Variants in TNIK observed in about 807,000 individuals in gnomAD.
TNIK encodes TRAF2 and NCK-interacting protein kinase.
Under a neutral mutation model 191.3 loss-of-function variants are expected in TNIK, and 49 were observed. The ratio of observed to expected loss-of-function variants is 0.26; its 90% confidence interval spans 0.20 to 0.32. The LOEUF is 0.32. Among genes scored for constraint, TNIK ranks in the 10% least tolerant of loss-of-function variants. TNIK has a pLI of 1.00. For synonymous variants in TNIK, 594 were observed against 600.9 expected (o/e 0.99, Z 0.17); for missense variants, 1,155 against 1,702.3 (o/e 0.68, Z 5.66).
intron 31 of TNIK, 93 bp downstream of exon 31, chr3:171,066,483 T>G (rs1055705671): frequency 2.6e-6 from 4 of 1,523,530 alleles, no homozygotes; most frequent in Non-Finnish European, 3.5e-6. Context: ...TTTTTTTTTT[T>G]TTTGTGGAAT....
chr3:171,393,021 G>A (rs997325424), intron 1 of TNIK, among the ~76,000 whole-genome samples: 1 of 151,918 alleles, frequency 6.6e-6, no homozygotes, highest in Non-Finnish European at 1.5e-5. Context: ...GCATTTCTAG[G>A]AACCACTGTA....
At chr3:171,333,103 C>G (rs146690590) in intron 2 of TNIK, among the ~76,000 whole-genome samples, 1 of 152,004 alleles carries the variant, frequency 6.6e-6, no homozygotes, top group Middle Eastern at 3.2e-3. Context: ...TGATGGCCTT[C>G]GAACTATATT....
chr3:171,431,283 C>A (rs1725355984), intron 1 of TNIK, among the ~76,000 whole-genome samples: 1 of 152,084 alleles, frequency 6.6e-6, no homozygotes, highest in African/African-American at 2.4e-5. Context: ...CTATTGCAAA[C>A]AGAATACAGT....
At position 171,128,856 on chromosome 3, in the gene TNIK, T is replaced by C; in HGVS notation, c.1631A>G (p.Asn544Ser). The change falls in exon 16 of 33, where the codon AAC becomes AGC. Residue 544 changes from asparagine to serine, a missense_variant. By Grantham distance (46) the Asn-to-Ser change is conservative. This residue lies in a region of TNIK where 735 missense variants were observed against 848.0 expected (regional missense o/e 0.87). Transcript: ENST00000436636. ...AGGCATGGCAGGGGAACTTTGCCGG[T>C]TGAGCCTTGACCGTTCTTCTACCTA... is the stretch of plus-strand genomic sequence containing the variant. ...AKEVEERSRL[N>S]RQSSPAMPHK... The C allele has an allele frequency of 1.3e-6, 2 of 1,555,724 alleles. No homozygotes were observed. Among genetic ancestry groups the C allele is most frequent in the Non-Finnish European group, 1.7e-6 (2 of 1,153,072 alleles).
chr3:171,284,752 A>G (rs1449157882), intron 2 of TNIK, among the ~76,000 whole-genome samples: 1 of 152,230 alleles, frequency 6.6e-6, no homozygotes, highest in Non-Finnish European at 1.5e-5. Context: ...TAGCACCTAG[A>G]GCAATACAAA....
intron 2 of TNIK, among the ~76,000 whole-genome samples, chr3:171,293,072 A>G (rs777130602): frequency 2.0e-5 from 3 of 152,142 alleles, no homozygotes; most frequent in Non-Finnish European, 4.4e-5. Flanking sequence ...TTCACTTTCA[A>G]AAACCTTCAA....
chr3:171,119,437 C>T (rs1049632129), intron 18 of TNIK, among the ~76,000 whole-genome samples: 1 of 152,202 alleles, frequency 6.6e-6, no homozygotes, highest in African/African-American at 2.4e-5. Context: ...CATCCCATTA[C>T]TGGGTATATA....
chr3:171,232,985 G>C (rs1352593498), intron 2 of TNIK, among the ~76,000 whole-genome samples: 1 of 152,198 alleles, frequency 6.6e-6, no homozygotes, highest in Admixed American at 6.5e-5. Context: ...GAGGGTTTTT[G>C]AGCTGCTAGC....
At chr3:171,287,519 T>G (rs1343682845) in intron 2 of TNIK, among the ~76,000 whole-genome samples, 1 of 152,222 alleles carries the variant, frequency 6.6e-6, no homozygotes, top group Non-Finnish European at 1.5e-5. Context: ...AGTAATGGCA[T>G]GGAAGTCTCC....
chr3:171,160,530 G>A (rs1733856193), intron 11 of TNIK, among the ~76,000 whole-genome samples: 1 of 151,694 alleles, frequency 6.6e-6, no homozygotes, highest in African/African-American at 2.4e-5. Context: ...CATGTATACT[G>A]CATGGCACCA....
intron 30 of TNIK, among the ~76,000 whole-genome samples, chr3:171,067,262 C>T (rs1208703040): frequency 6.6e-6 from 1 of 151,786 alleles, no homozygotes; most frequent in Non-Finnish European, 1.5e-5. Context: ...AAATGAACTA[C>T]CAAAATAATC....
At chr3:171,304,269 G>A (rs1162669949) in intron 2 of TNIK, among the ~76,000 whole-genome samples, 1 of 151,964 alleles carries the variant, frequency 6.6e-6, no homozygotes, top group Non-Finnish European at 1.5e-5. Context: ...GGGAAAATGG[G>A]GCCATTCCAT....
intron 15 of TNIK, 105 bp from the exon 16 acceptor site, chr3:171,128,983 C>G: frequency 7.1e-7 from 1 of 1,413,394 alleles, no homozygotes; most frequent in Non-Finnish European, 9.3e-7. Context: ...CATTTGAATC[C>G]TCTGATCAAC....
intron 2 of TNIK, among the ~76,000 whole-genome samples, chr3:171,291,502 TAC>T (rs1751682933): frequency 6.6e-6 from 1 of 152,220 alleles, no homozygotes; most frequent in African/African-American, 2.4e-5. Flanking sequence ...TTTCATTGGA[TAC>T]AGATTTCTTG....
At chr3:171,228,021 A>G (rs1476933184) in intron 3 of TNIK, 144 bp downstream of exon 3, 10 of 902,630 alleles carry the variant, frequency 1.1e-5, no homozygotes, top group Non-Finnish European at 1.7e-5. Context: ...AGGCTAAGCT[A>G]TGATGTTCAA....
At chr3:171,250,188 G>A (rs1639971108) in intron 2 of TNIK, among the ~76,000 whole-genome samples, 1 of 152,176 alleles carries the variant, frequency 6.6e-6, no homozygotes, top group African/African-American at 2.4e-5. Flanking sequence ...TCCCTTCTCA[G>A]AAGTAGCTCA....
chr3:171,173,877 A>G (rs1735646225), intron 9 of TNIK, among the ~76,000 whole-genome samples: 1 of 152,114 alleles, frequency 6.6e-6, no homozygotes, highest in Non-Finnish European at 1.5e-5. Flanking sequence ...AGGGAAGAGA[A>G]CTGCGCCAGT....
chr3:171,178,924 G>C (rs1447414168), intron 7 of TNIK, among the ~76,000 whole-genome samples: 3 of 152,098 alleles, frequency 2.0e-5, no homozygotes, highest in African/African-American at 7.2e-5. Context: ...TCACTCCCCA[G>C]AACTAAGTTT....
At position 171,120,389 on chromosome 3, in the gene TNIK, C is replaced by T. The variant is rs138215641; in HGVS notation, c.2120+3207G>A. Among the ~76,000 whole-genome samples, 917 of 145,954 alleles carry T rather than the reference C, an allele frequency of 6.3e-3. 7 individuals are homozygous for T. The highest frequency in any genetic ancestry group is 0.023 in the African/African-American group (882 of 38,462). ...AGGCTGGAGTGCAGGGGTGTGATCT[C>T]GGCTCACTGCAAGCTCCGCTTCCCG... On this transcript the variant is annotated intron_variant, in intron 18 of 32. Transcript: ENST00000436636.
Sources: allele counts gnomAD v4.1 joint callset (sites outside exome capture counted in the v4.1 genomes callset), GRCh38; gene constraint gnomAD v4.1.1; regional missense constraint gnomAD v4.1.1; transcripts MANE v1.5; gene names NCBI Gene and HGNC (gene_info 2026-07-23, HGNC 2026-07-21).